The following IRAK1BP1 variants were observed in gnomAD, a reference collection of about 807,000 sequenced individuals.
The protein encoded by IRAK1BP1 is interleukin-1 receptor-associated kinase 1-binding protein 1.
IRAK1BP1 carries 24 observed loss-of-function variants against 28.0 expected under a neutral mutation model. The ratio of observed to expected loss-of-function variants is 0.86; its 90% confidence interval spans 0.62 to 1.20. IRAK1BP1 has a LOEUF of 1.20. IRAK1BP1 is among the 50% of genes most tolerant of loss of function. The probability of loss-of-function intolerance (pLI) is 0.00; values close to 1 mark genes in which losing one functional copy is unlikely to be tolerated. For missense variants in IRAK1BP1, 336 were observed against 316.7 expected (o/e 1.06, Z -0.46); for synonymous variants, 131 against 116.3 (o/e 1.13, Z -0.81).
the IRAK1BP1 span, among the ~76,000 whole-genome samples, chr6:78,953,163 A>C: frequency 6.6e-5 from 10 of 152,082 alleles, no homozygotes; most frequent in African/African-American, 2.4e-4. Context: ...GTTTAGGAAA[A>C]TTTCTCCTCT....
At chr6:78,878,953 G>A (rs1222707334) in intron 1 of IRAK1BP1, among the ~76,000 whole-genome samples, 1 of 152,178 alleles carries the variant, frequency 6.6e-6, no homozygotes, top group East Asian at 1.9e-4. Context: ...AGAAAAAAGA[G>A]TAAAAATAAA....
At chr6:78,940,769 A>G in intron 4 of IRAK1BP1, 1 of 1,613,772 alleles carries the variant, frequency 6.2e-7, no homozygotes, top group Non-Finnish European at 8.5e-7. Flanking sequence ...TCCAAAAGTT[A>G]AAGAGGTGTC....
exon 5 of IRAK1BP1, chr6:78,946,199 A>C (rs2127682354): frequency 6.2e-7 from 1 of 1,613,532 alleles, no homozygotes; most frequent in Non-Finnish European, 8.5e-7. Context: ...GGTGTAGAGA[A>C]TGCAGAGGTA....
intron 4 of IRAK1BP1, among the ~76,000 whole-genome samples, chr6:78,912,385 T>A (rs1772450914): frequency 6.6e-6 from 1 of 152,194 alleles, no homozygotes; most frequent in African/African-American, 2.4e-5. Flanking sequence ...CTGTAGCAAT[T>A]GCTATATAAG....
At chr6:78,964,498 T>A in the IRAK1BP1 span, among the ~76,000 whole-genome samples, 5 of 152,104 alleles carry the variant, frequency 3.3e-5, no homozygotes, top group African/African-American at 1.2e-4. Context: ...TGTAATATAT[T>A]ATTATTATTT....
Position 78,898,312 on chromosome 6 carries a change from A to T in IRAK1BP1, c.761A>T (p.Glu254Val). 6.3e-7 allele frequency: 1 copy of T among 1,576,490 alleles called. No individual in the cohort carries two copies. ...ATAACTTTTGAGGTAAAGGGAAAAG[A>T]GAAGAGAAAAAAGCACCTTTGAAAT... is the stretch of plus-strand genomic sequence containing the variant. ...VFITFEVKGKEKRKKHL is the reference protein window; with the variant it reads ...VFITFEVKGKVKRKKHL The change falls in exon 4 of 4, where the codon GAG becomes GTG. Residue 254 changes from glutamate (E) to valine (V), a missense_variant. Coordinates refer to ENST00000369940, the MANE Select transcript of IRAK1BP1 (RefSeq NM_001010844.4).
At chr6:78,911,739 C>T (rs1377628074) in intron 4 of IRAK1BP1, among the ~76,000 whole-genome samples, 4 of 152,186 alleles carry the variant, frequency 2.6e-5, no homozygotes, top group African/African-American at 9.7e-5. Flanking sequence ...CTGTACCGGG[C>T]ACTGGGTTAA....
chr6:78,878,268 C>G (rs544642003), intron 1 of IRAK1BP1, among the ~76,000 whole-genome samples: 1 of 152,168 alleles, frequency 6.6e-6, no homozygotes, highest in East Asian at 1.9e-4. Context: ...ACACCTCATA[C>G]GTCTCAGAGG....
At chr6:78,889,715 A>G (rs1319228026) in intron 2 of IRAK1BP1, among the ~76,000 whole-genome samples, 3 of 152,186 alleles carry the variant, frequency 2.0e-5, no homozygotes, top group Non-Finnish European at 4.4e-5. Context: ...CAAAACCACA[A>G]TGAGATACCA....
At chr6:78,948,199 A>T (rs1157816578), downstream of IRAK1BP1, among the ~76,000 whole-genome samples, 2 of 152,250 alleles carry the variant, frequency 1.3e-5, no homozygotes, top group East Asian at 3.8e-4. Context: ...CAATGGAAGT[A>T]TGCCAGCATC....
chr6:78,942,939 GT>G (rs984357561), intron 4 of IRAK1BP1, among the ~76,000 whole-genome samples: 23 of 152,120 alleles, frequency 1.5e-4, no homozygotes, highest in African/African-American at 5.5e-4. Context: ...GAATTCAGAA[GT>G]TTTTTAAAAA....
intron 4 of IRAK1BP1, among the ~76,000 whole-genome samples, chr6:78,924,008 A>G (rs909137306): frequency 1.3e-5 from 2 of 152,212 alleles, no homozygotes; most frequent in African/African-American, 4.8e-5. Flanking sequence ...AATTAAAAGA[A>G]CTAGAGAAAC....
the IRAK1BP1 span, among the ~76,000 whole-genome samples, chr6:78,975,930 G>A: frequency 1.3e-5 from 2 of 150,952 alleles, no homozygotes; most frequent in African/African-American, 2.4e-5. Flanking sequence ...AATCAATATT[G>A]TGAAAATGGC....
chr6:78,955,318 T>C, the IRAK1BP1 span: 1 of 1,444,666 alleles, frequency 6.9e-7, no homozygotes, highest in Non-Finnish European at 9.7e-7. Flanking sequence ...CATAAAACAT[T>C]TTAGATGTCA....
rs149110742 is a variant in IRAK1BP1 at position 78,946,115 on chromosome 6, T to C, written c.*775T>C. On this transcript the variant is annotated 3_prime_UTR_variant and NMD_transcript_variant, in exon 5 of 5. Coordinates refer to the IRAK1BP1 transcript ENST00000606868. Reference sequence around the variant, plus strand: ...TCTACAACCACTCGGTTGCTTCTGGTTCGAACCACAGAACTAGATTCTGTT... The same window carrying C: ...TCTACAACCACTCGGTTGCTTCTGGCTCGAACCACAGAACTAGATTCTGTT... 7.7e-5 allele frequency: 125 copies of C among 1,613,998 alleles called. No individual in the cohort carries two copies. The highest frequency in any genetic ancestry group is 9.8e-5 in the Non-Finnish European group (116 of 1,179,956).
At chr6:78,936,500 T>A (rs1462366874) in intron 4 of IRAK1BP1, 1 of 151,892 alleles carries the variant, frequency 6.6e-6, no homozygotes, top group African/African-American at 2.4e-5. Flanking sequence ...CTTATATGCA[T>A]GTACTATATT....
intron 4 of IRAK1BP1, among the ~76,000 whole-genome samples, chr6:78,933,425 G>A (rs2127671250): frequency 6.7e-6 from 1 of 149,420 alleles, no homozygotes; most frequent in Non-Finnish European, 1.5e-5. Context: ...AGACCAGCCT[G>A]GCCACCATGG....
chr6:78,955,656 G>A, the IRAK1BP1 span: 2 of 1,088,340 alleles, frequency 1.8e-6, no homozygotes, highest in Non-Finnish European at 2.8e-6. Flanking sequence ...ATTATAAAGT[G>A]GAATTATGTT....
At chr6:78,876,148 G>A (rs535145945) in intron 1 of IRAK1BP1, among the ~76,000 whole-genome samples, 18 of 152,192 alleles carry the variant, frequency 1.2e-4, no homozygotes, top group African/African-American at 3.9e-4. Context: ...AGTTTCCTCC[G>A]TGCTGTTCTT....
Sources: allele counts gnomAD v4.1 joint callset (sites outside exome capture counted in the v4.1 genomes callset), GRCh38; gene constraint gnomAD v4.1.1; transcripts MANE v1.5; gene names NCBI Gene and HGNC (gene_info 2026-07-23, HGNC 2026-07-21).